Variants in SLC5A4 observed in about 807,000 individuals in gnomAD.
SLC5A4 encodes probable glucose sensor protein SLC5A4.
In SLC5A4, 55 loss-of-function variants were observed where a neutral mutation model predicts 70.3. That is an observed-to-expected ratio of 0.78 (90% CI 0.63 to 0.98). SLC5A4 has a LOEUF of 0.98. Ranked by LOEUF, SLC5A4 falls within the 50% of genes least tolerant of loss-of-function variation. SLC5A4 has a pLI of 0.00. For synonymous variants in SLC5A4, 268 were observed against 305.7 expected (o/e 0.88, Z 1.29); for missense variants, 735 against 839.2 (o/e 0.88, Z 1.53).
chr22:32,353,457 C>T, the SLC5A4 span, among the ~76,000 whole-genome samples: 2 of 152,054 alleles, frequency 1.3e-5, no homozygotes, highest in African/African-American at 2.4e-5. Flanking sequence ...TCAGGATCCC[C>T]GCGGAAACGC....
the SLC5A4 span, among the ~76,000 whole-genome samples, chr22:32,309,480 C>G: frequency 6.6e-6 from 1 of 152,132 alleles, no homozygotes; most frequent in Non-Finnish European, 1.5e-5. Context: ...AAACCGGTAA[C>G]TCTAGAAATC....
chr22:32,292,447 C>T, the SLC5A4 span, among the ~76,000 whole-genome samples: 1 of 148,528 alleles, frequency 6.7e-6, no homozygotes, highest in Non-Finnish European at 1.5e-5. Flanking sequence ...TAGAAAATCC[C>T]CATATGTTTG....
intron 5 of SLC5A4, among the ~76,000 whole-genome samples, chr22:32,245,931 G>C (rs533917285): frequency 3.9e-5 from 6 of 152,336 alleles, no homozygotes; most frequent in African/African-American, 1.4e-4. Context: ...CCTGACACCT[G>C]TGAGCTTCTC....
At chr22:32,233,466 C>T (rs141313360) in intron 8 of SLC5A4, among the ~76,000 whole-genome samples, 2 of 152,142 alleles carry the variant, frequency 1.3e-5, no homozygotes, top group East Asian at 3.9e-4. Context: ...ACGGAATAAA[C>T]TAAGAAAGAA....
In SLC5A4 at chr22:32,238,977, ATACT is replaced by A. The variant is rs1282670173; in HGVS notation, c.583+4_583+7del. 8 of 1,601,726 alleles carry A rather than the reference ATACT, an allele frequency of 5.0e-6. No individual in the cohort carries two copies. The highest frequency in any genetic ancestry group is 8.6e-7 in the Non-Finnish European group (1 of 1,168,804). ...AGCCTGAGTGAGCAAAATATGCAACATACTTACCAGTGGTGGTGTAAACAGCAGT... is the reference window on the plus strand; with the variant it reads ...AGCCTGAGTGAGCAAAATATGCAACATACCAGTGGTGGTGTAAACAGCAGT... On this transcript the variant is annotated splice_donor_5th_base_variant and intron_variant, in intron 6 of 14. Coordinates refer to ENST00000266086, the MANE Select transcript of SLC5A4 (RefSeq NM_014227.3).
At chr22:32,264,348 AG>A in the SLC5A4 span, among the ~76,000 whole-genome samples, 2 of 152,100 alleles carry the variant, frequency 1.3e-5, no homozygotes, top group East Asian at 3.9e-4. Flanking sequence ...CCAAGGCAGG[AG>A]GATCACTTGA....
At chr22:32,312,517 A>C in the SLC5A4 span, among the ~76,000 whole-genome samples, 205 of 152,226 alleles carry the variant, frequency 1.3e-3, 2 homozygotes, top group African/African-American at 4.6e-3. Context: ...AATCAGCCAG[A>C]GTTGCTTTGT....
In SLC5A4 at chr22:32,234,798, G is replaced by C. The variant is rs1411742768; in HGVS notation, c.885+75C>G. ...AAATGTTTTTCTATGAGACAAGAAA[G>C]AACAAGCACATGCACACATACAGAC... On this transcript the variant is annotated intron_variant, in intron 8 of 14. Coordinates refer to ENST00000266086, the MANE Select transcript of SLC5A4 (RefSeq NM_014227.3). 8.4e-6 allele frequency: 9 copies of C among 1,066,006 alleles called. No homozygotes were observed. The African/African-American group carries it at 1.4e-4, about 17-fold the overall frequency. The allele number at this position is 1,066,006 out of a possible 1,614,324, so 66.0% of individuals were successfully genotyped here.
At position 32,225,831 on chromosome 22, in the gene SLC5A4, G is replaced by C. The variant is rs767417687; in HGVS notation, c.1281-8C>G. ...AATAGAAGAACAAATATCCTGAGAA[G>C]AAAACAACATAATTTAAACATTAAA... is the stretch of plus-strand genomic sequence containing the variant. On this transcript the variant is annotated splice_polypyrimidine_tract_variant and splice_region_variant and intron_variant, in intron 11 of 14. Transcript: ENST00000266086. 1.6e-5 allele frequency: 25 copies of C among 1,582,248 alleles called. No individual in the cohort carries two copies. The Admixed American group carries it at 4.3e-4, about 27-fold the overall frequency.
chr22:32,334,725 C>A, the SLC5A4 span, among the ~76,000 whole-genome samples: 2 of 152,204 alleles, frequency 1.3e-5, no homozygotes, highest in Admixed American at 6.5e-5. Flanking sequence ...GGGATTGAAT[C>A]ATGGCTTTGG....
intron 14 of SLC5A4, among the ~76,000 whole-genome samples, chr22:32,219,954 A>C (rs118173170): frequency 0.028 from 4,316 of 152,154 alleles, 83 homozygotes; most frequent in South Asian, 0.072. Flanking sequence ...TAATTTTCCA[A>C]AAACAATTAA....
chr22:32,287,273 C>T, the SLC5A4 span, among the ~76,000 whole-genome samples: 7 of 152,120 alleles, frequency 4.6e-5, no homozygotes, highest in Non-Finnish European at 7.3e-5. Flanking sequence ...TATTCTTCCA[C>T]GTCCATTTCA....
At chr22:32,265,790 A>G in the SLC5A4 span, among the ~76,000 whole-genome samples, 7,013 of 151,518 alleles carry the variant, frequency 0.046, 539 homozygotes, top group African/African-American at 0.16. Context: ...CAGTGAGCCG[A>G]GATCATGCCA....
chr22:32,291,173 G>A, the SLC5A4 span, among the ~76,000 whole-genome samples: 2 of 97,102 alleles, frequency 2.1e-5, no homozygotes, highest in African/African-American at 7.6e-5. Context: ...TATCTTCATT[G>A]TTCTCTTTTT....
chr22:32,330,947 C>A, the SLC5A4 span, among the ~76,000 whole-genome samples: 43 of 8,200 alleles, frequency 5.2e-3, 2 homozygotes, highest in Non-Finnish European at 7.1e-3. Flanking sequence ...GTGTTGGAGG[C>A]TCTGGTGTGT....
chr22:32,245,366 G>A (rs1335011519), intron 5 of SLC5A4, among the ~76,000 whole-genome samples: 2 of 152,092 alleles, frequency 1.3e-5, no homozygotes, highest in Non-Finnish European at 2.9e-5. Flanking sequence ...TGGCTTCCCT[G>A]CACCCACACC....
intron 11 of SLC5A4, 126 bp downstream of exon 11, chr22:32,229,067 CA>C: frequency 1.2e-6 from 1 of 810,810 alleles, no homozygotes; most frequent in South Asian, 2.3e-5. Flanking sequence ...TGATGTACTC[CA>C]ATGTCTCTTC....
chr22:32,253,405 C>A (rs1022773969), intron 2 of SLC5A4, among the ~76,000 whole-genome samples: 11 of 152,130 alleles, frequency 7.2e-5, no homozygotes, highest in Non-Finnish European at 1.3e-4. Flanking sequence ...ACATAGGGAC[C>A]CATGGAGAGA....
chr22:32,249,514 A>T (rs1164479366), intron 3 of SLC5A4, among the ~76,000 whole-genome samples: 1 of 152,128 alleles, frequency 6.6e-6, no homozygotes. Context: ...GCATATCTGG[A>T]GGCTGGGTCC....
Sources: allele counts gnomAD v4.1 joint callset (sites outside exome capture counted in the v4.1 genomes callset), GRCh38; gene constraint gnomAD v4.1.1; transcripts MANE v1.5; gene names NCBI Gene and HGNC (gene_info 2026-07-23, HGNC 2026-07-21).